Variants in MNAT1 observed in about 807,000 individuals in gnomAD.
MNAT1 encodes the protein CDK-activating kinase assembly factor MAT1.
Under a neutral mutation model 42.0 loss-of-function variants are expected in MNAT1, and 43 were observed. The observed-to-expected ratio is 1.02, with a 90% CI of 0.80 to 1.32. MNAT1 has a LOEUF of 1.32. Among genes scored for constraint, MNAT1 ranks in the 40% most tolerant of loss-of-function variants. The pLI is 0.00. For missense variants in MNAT1, 306 were observed against 350.4 expected (o/e 0.87, Z 1.01); for synonymous variants, 118 against 120.0 (o/e 0.98, Z 0.11).
intron 6 of MNAT1, among the ~76,000 whole-genome samples, chr14:60,864,983 G>A (rs781336602): frequency 3.9e-5 from 6 of 152,094 alleles, no homozygotes; most frequent in Middle Eastern, 3.4e-3. Flanking sequence ...CAAATAGAAC[G>A]AGGACATTTG....
chr14:60,817,203 C>T (rs2032742032), intron 5 of MNAT1, among the ~76,000 whole-genome samples: 1 of 151,596 alleles, frequency 6.6e-6, no homozygotes, highest in African/African-American at 2.4e-5. Context: ...TTGATCACAG[C>T]CCATTAAAAA....
In MNAT1 at chr14:60,828,674, C is replaced by T. The variant is rs1292314708; in HGVS notation, c.687+9827C>T. ...GTGCAAACCCCACTGGGTAAGATCC[C>T]AGTACCACACAACTGCTCCCAACTT... On this transcript the variant is annotated intron_variant, in intron 6 of 7. Coordinates refer to ENST00000261245, the MANE Select transcript of MNAT1 (RefSeq NM_002431.4). Among the ~76,000 whole-genome samples the T allele has an allele frequency of 2.0e-5, 3 of 152,076 alleles. No individual in the cohort carries two copies. In the East Asian group the frequency reaches 5.8e-4, roughly 29 times the overall value.
intron 7 of MNAT1, among the ~76,000 whole-genome samples, chr14:60,912,280 G>T (rs1879641114): frequency 1.3e-5 from 2 of 151,974 alleles, no homozygotes; most frequent in South Asian, 4.2e-4. Flanking sequence ...TATCCAGTTT[G>T]CCAGTGTGTG....
chr14:60,909,369 T>G (rs976764547), intron 7 of MNAT1, among the ~76,000 whole-genome samples: 2 of 152,182 alleles, frequency 1.3e-5, no homozygotes, highest in Non-Finnish European at 2.9e-5. Flanking sequence ...TGCCATTTTT[T>G]TTGGTGTTTT....
At chr14:60,869,040 A>ATATATATATATATATATATATATATAT (rs1465360826) in intron 6 of MNAT1, among the ~76,000 whole-genome samples, 10 of 113,026 alleles carry the variant, frequency 8.8e-5, no homozygotes, top group Non-Finnish European at 1.1e-4. Flanking sequence ...ATATATATAT[A>ATATATATATATATATATATATATATAT]TTTTTTTTTT....
At chr14:60,738,080 CA>C (rs35298974) in intron 1 of MNAT1, among the ~76,000 whole-genome samples, 98,185 of 115,752 alleles carry the variant, frequency 0.85, 41,082 homozygotes, top group Non-Finnish European at 0.89. Context: ...CCCTATCTTA[CA>C]AAAAAAAAAA....
chr14:60,955,509 A>G (rs894682957), intron 7 of MNAT1, among the ~76,000 whole-genome samples: 2 of 152,102 alleles, frequency 1.3e-5, no homozygotes, highest in African/African-American at 4.8e-5. Flanking sequence ...TAAAAATACA[A>G]AAATCAGCTG....
intron 7 of MNAT1, among the ~76,000 whole-genome samples, chr14:60,915,390 ATCTTATT>A (rs2139538594): frequency 6.6e-6 from 1 of 152,226 alleles, no homozygotes; most frequent in African/African-American, 2.4e-5. Context: ...GAATATGAAA[ATCTTATT>A]TTCAGCTGAG....
chr14:60,924,854 C>T (rs753410759), intron 7 of MNAT1, among the ~76,000 whole-genome samples: 27 of 152,078 alleles, frequency 1.8e-4, no homozygotes, highest in Non-Finnish European at 7.4e-5. Context: ...ATTTCTAGAA[C>T]GCATATTTAT....
Position 60,815,200 on chromosome 14 carries a change from T to G in MNAT1, c.561+3073T>G, listed in dbSNP as rs147379299. Among the ~76,000 whole-genome samples, 769 of 152,190 alleles carry G rather than the reference T, an allele frequency of 5.1e-3. 10 individuals are homozygous for G. Among genetic ancestry groups the G allele is most frequent in the African/African-American group, 0.017 (691 of 41,550 alleles). On this transcript the variant is annotated intron_variant, in intron 5 of 7. Coordinates refer to ENST00000261245, the MANE Select transcript of MNAT1 (RefSeq NM_002431.4). ...GAGGTTAGCCAGCTTTGCATAACAA[T>G]TATTCTTGCATATTCTTTTTCCCTT...
chr14:60,851,688 C>T (rs111669387), intron 6 of MNAT1, among the ~76,000 whole-genome samples: 1 of 152,048 alleles, frequency 6.6e-6, no homozygotes, highest in Admixed American at 6.6e-5. Flanking sequence ...TGTCTTAATG[C>T]TCTCCTTCCC....
intron 1 of MNAT1, among the ~76,000 whole-genome samples, chr14:60,747,146 G>A (rs1001751767): frequency 1.3e-5 from 2 of 150,840 alleles, no homozygotes; most frequent in East Asian, 2.0e-4. Flanking sequence ...CACCACGCCC[G>A]GCTAATTTTT....
At chr14:60,784,847 A>G (rs990172860) in intron 1 of MNAT1, among the ~76,000 whole-genome samples, 3 of 151,116 alleles carry the variant, frequency 2.0e-5, no homozygotes, top group African/African-American at 4.9e-5. Context: ...ATGTGTAGCT[A>G]TAGCTAACAC....
At chr14:60,814,902 T>C (rs1392314797) in intron 5 of MNAT1, among the ~76,000 whole-genome samples, 2 of 152,150 alleles carry the variant, frequency 1.3e-5, no homozygotes, top group East Asian at 3.8e-4. Context: ...GTATTTTATA[T>C]TTTTGTAGCT....
chr14:60,890,844 G>A (rs889117501), intron 7 of MNAT1, among the ~76,000 whole-genome samples: 1 of 152,080 alleles, frequency 6.6e-6, no homozygotes, highest in African/African-American at 2.4e-5. Context: ...TGCCTCTCCC[G>A]GCTCACTGAC....
At chr14:60,741,945 T>C (rs1566747299) in intron 1 of MNAT1, among the ~76,000 whole-genome samples, 1 of 152,154 alleles carries the variant, frequency 6.6e-6, no homozygotes, top group Non-Finnish European at 1.5e-5. Flanking sequence ...ATTGATATCA[T>C]TGGGTTTAAG....
At chr14:60,956,047 C>G (rs2036482552) in intron 7 of MNAT1, among the ~76,000 whole-genome samples, 1 of 151,764 alleles carries the variant, frequency 6.6e-6, no homozygotes, top group South Asian at 2.1e-4. Context: ...CTGACTGTAA[C>G]TTTGGGCTTC....
Position 60,926,610 on chromosome 14 carries a change from A to G in MNAT1, c.810-41619A>G, listed in dbSNP as rs561114719. Among the ~76,000 whole-genome samples the G allele has an allele frequency of 3.9e-5, 6 of 152,342 alleles. No homozygotes were observed. The South Asian group carries it at 8.3e-4, about 21-fold the overall frequency. ...GTGAACAGCCAGATGGAAGAGGTGC[A>G]TAGTTGGGGAGCACAGAGCTTCCAT... On this transcript the variant is annotated intron_variant, in intron 7 of 7. Transcript: ENST00000261245.
Position 60,734,797 on chromosome 14 carries a change from G to C in MNAT1, c.-66G>C, listed in dbSNP as rs1466610994. 6 of 1,499,374 alleles carry C rather than the reference G, an allele frequency of 4.0e-6. No homozygotes were observed. In the African/African-American group the frequency reaches 8.3e-5, roughly 21 times the overall value. 92.9% of individuals were successfully genotyped at this position (1,499,374 alleles called of 1,614,324 possible). A position where few individuals can be genotyped will look rare whatever the true frequency, so the allele number is the denominator to read the frequency against. On this transcript the variant is annotated 5_prime_UTR_variant, in exon 1 of 8. Transcript: ENST00000261245. The surrounding 1 kb of genome is among the most constrained non-coding windows in gnomAD (Gnocchi z 4.3). ...GGTAGGAACCTGCTTGGTCGCGTCT[G>C]AGGGGGCTTGTAGGTGGCTCTGGCT...
Sources: allele counts gnomAD v4.1 joint callset (sites outside exome capture counted in the v4.1 genomes callset), GRCh38; gene constraint gnomAD v4.1.1; non-coding constraint Gnocchi (gnomAD v3.1); transcripts MANE v1.5; gene names NCBI Gene and HGNC (gene_info 2026-07-23, HGNC 2026-07-21).